Variants in DGKB observed in about 807,000 individuals in gnomAD.
DGKB encodes diacylglycerol kinase beta.
Under a neutral mutation model 114.3 loss-of-function variants are expected in DGKB, and 67 were observed. The ratio of observed to expected loss-of-function variants is 0.59; its 90% confidence interval spans 0.48 to 0.72. DGKB has a LOEUF of 0.72. Ranked by LOEUF, DGKB falls within the 30% of genes least tolerant of loss-of-function variation. DGKB has a pLI of 0.00. For missense variants in DGKB, 907 were observed against 975.2 expected (o/e 0.93, Z 0.93); for synonymous variants, 398 against 323.1 (o/e 1.23, Z -2.49).
At chr7:14,352,894 G>T (rs2128610596) in intron 21 of DGKB, among the ~76,000 whole-genome samples, 1 of 152,226 alleles carries the variant, frequency 6.6e-6, no homozygotes, top group South Asian at 2.1e-4. Flanking sequence ...TTGCACTTCA[G>T]CCTGGGCAAC....
chr7:14,191,895 A>T (rs1784371663), intron 23 of DGKB: 5 of 556,534 alleles, frequency 9.0e-6, no homozygotes, highest in South Asian at 5.9e-5. Flanking sequence ...GAGCTGAAGG[A>T]AAAGATTGAT....
At chr7:14,458,162 T>A (rs1438914099) in intron 21 of DGKB, among the ~76,000 whole-genome samples, 1 of 152,174 alleles carries the variant, frequency 6.6e-6, no homozygotes, top group African/African-American at 2.4e-5. Context: ...TTTAATTCGA[T>A]TTCAGGTATT....
chr7:14,465,580 T>C (rs1018268735), intron 21 of DGKB, among the ~76,000 whole-genome samples: 1 of 152,136 alleles, frequency 6.6e-6, no homozygotes, highest in African/African-American at 2.4e-5. Flanking sequence ...CAGTGTTAAT[T>C]TAGTTTTGCA....
chr7:14,861,528 G>T (rs575216964), intron 1 of DGKB, among the ~76,000 whole-genome samples: 2 of 151,844 alleles, frequency 1.3e-5, no homozygotes, highest in African/African-American at 4.8e-5. Flanking sequence ...AAATAATAAA[G>T]TACCCTCCCT....
chr7:14,411,269 T>C (rs539540307), intron 21 of DGKB, among the ~76,000 whole-genome samples: 2 of 152,320 alleles, frequency 1.3e-5, no homozygotes, highest in African/African-American at 2.4e-5. Context: ...GTCAGTTCGA[T>C]GTATTAAGTG....
intron 20 of DGKB, among the ~76,000 whole-genome samples, chr7:14,513,463 T>A (rs1788284518): frequency 6.6e-6 from 1 of 151,944 alleles, no homozygotes; most frequent in Non-Finnish European, 1.5e-5. Context: ...ATAATACCTT[T>A]GAGAGTTTAT....
At chr7:14,310,007 C>G (rs1214607825) in intron 23 of DGKB, among the ~76,000 whole-genome samples, 5 of 152,130 alleles carry the variant, frequency 3.3e-5, no homozygotes, top group Middle Eastern at 3.2e-3. Flanking sequence ...ATGTTAACAG[C>G]TGCTAGGATG....
chr7:14,345,557 C>T (rs910426984), intron 21 of DGKB, among the ~76,000 whole-genome samples, 166 bp from the exon 22 acceptor site: 23 of 151,580 alleles, frequency 1.5e-4, no homozygotes, highest in Non-Finnish European at 4.4e-5. Context: ...AATGTGGGTG[C>T]CAAACTGTAT....
intron 17 of DGKB, among the ~76,000 whole-genome samples, chr7:14,603,778 A>G (rs995601920): frequency 6.6e-6 from 1 of 152,138 alleles, no homozygotes; most frequent in African/African-American, 2.4e-5. Flanking sequence ...AATAATTTAC[A>G]TATTTTAAAG....
chr7:14,631,315 C>G (rs772744035), intron 13 of DGKB, among the ~76,000 whole-genome samples: 1 of 146,796 alleles, frequency 6.8e-6, no homozygotes, highest in East Asian at 2.0e-4. Context: ...ATAGGTAAAA[C>G]CTGACACCCT....
At chr7:14,611,377 T>C (rs1054661002) in intron 16 of DGKB, among the ~76,000 whole-genome samples, 3 of 152,164 alleles carry the variant, frequency 2.0e-5, no homozygotes, top group African/African-American at 7.2e-5. Context: ...TTCAGACTTA[T>C]TGATTGATAT....
intron 23 of DGKB, among the ~76,000 whole-genome samples, chr7:14,326,177 G>T (rs560751640): frequency 1.3e-5 from 2 of 151,568 alleles, no homozygotes; most frequent in Non-Finnish European, 2.9e-5. Flanking sequence ...CAATGTCTAT[G>T]TCAAAAGTCT....
At chr7:14,837,244 C>A (rs1161134401) in intron 2 of DGKB, among the ~76,000 whole-genome samples, 1 of 152,118 alleles carries the variant, frequency 6.6e-6, no homozygotes, top group Admixed American at 6.5e-5. Context: ...CCAGTATCAC[C>A]CTACTTATCC....
chr7:14,682,116 A>C (rs910276994), intron 12 of DGKB, among the ~76,000 whole-genome samples: 1 of 152,066 alleles, frequency 6.6e-6, no homozygotes, highest in Non-Finnish European at 1.5e-5. Context: ...TCATTTTTCT[A>C]ACCCTTTTAA....
chr7:14,947,528 A>G (rs1020731521), intron 1 of DGKB, among the ~76,000 whole-genome samples: 4 of 135,946 alleles, frequency 2.9e-5, no homozygotes, highest in Admixed American at 7.4e-5. Context: ...AATTTAATGT[A>G]ATTATATGGT....
chr7:14,419,099 G>A (rs73679742), intron 21 of DGKB, among the ~76,000 whole-genome samples: 258 of 151,854 alleles, frequency 1.7e-3, no homozygotes, highest in African/African-American at 5.5e-3. Flanking sequence ...CTGGGACAGC[G>A]GAATGTTTGT....
intron 20 of DGKB, among the ~76,000 whole-genome samples, chr7:14,533,825 T>C (rs577116072): frequency 6.6e-6 from 1 of 152,026 alleles, no homozygotes; most frequent in East Asian, 1.9e-4. Context: ...AAAACTGTCC[T>C]TCAAAAATCA....
At chr7:14,557,578 C>CT (rs1272507860) in intron 20 of DGKB, among the ~76,000 whole-genome samples, 3 of 151,608 alleles carry the variant, frequency 2.0e-5, no homozygotes, top group East Asian at 3.9e-4. Flanking sequence ...TTATTTTTAT[C>CT]TTTTTAAAAA....
At chr7:14,292,850 C>A (rs1197854692) in intron 23 of DGKB, among the ~76,000 whole-genome samples, 2 of 152,114 alleles carry the variant, frequency 1.3e-5, no homozygotes, top group Non-Finnish European at 2.9e-5. Flanking sequence ...AAAGAAAGAA[C>A]AAGACAAATA....
Sources: allele counts gnomAD v4.1 joint callset (sites outside exome capture counted in the v4.1 genomes callset), GRCh38; gene constraint gnomAD v4.1.1; transcripts MANE v1.5; gene names NCBI Gene and HGNC (gene_info 2026-07-23, HGNC 2026-07-21).